The following ZFP91 variants were observed in gnomAD, a reference collection of about 807,000 sequenced individuals.
The protein encoded by ZFP91 is ZFP91 zinc finger protein, atypical E3 ubiquitin ligase, also known as E3 ubiquitin-protein ligase ZFP91.
Under a neutral mutation model 63.5 loss-of-function variants are expected in ZFP91, and 7 were observed. The ratio of observed to expected loss-of-function variants is 0.11; its 90% CI spans 0.06 to 0.21. ZFP91 has a LOEUF of 0.21. Ranked by LOEUF, ZFP91 falls within the 10% of genes least tolerant of loss-of-function variation. The pLI is 1.00. For missense variants in ZFP91, 628 were observed against 736.6 expected, an observed-to-expected ratio of 0.85 and a Z score of 1.71; for synonymous variants, 330 against 272.1, an observed-to-expected ratio of 1.21 and a Z score of -2.10.
chr11:58,589,666 A>C (rs1316106992), intron 2 of ZFP91, among the ~76,000 whole-genome samples: 1 of 152,140 alleles, frequency 6.6e-6, no homozygotes. Flanking sequence ...CTTCCTTCCT[A>C]ATCTTTTATC....
At chr11:58,610,202 C>T (rs1855636241) in intron 3 of ZFP91, 96 bp from the exon 4 acceptor site, 3 of 1,439,196 alleles carry the variant, frequency 2.1e-6, no homozygotes, top group South Asian at 1.2e-5. Context: ...TGTATAATTA[C>T]CCCATGCAGT....
Position 58,584,710 on chromosome 11 carries a change from T to C in ZFP91, c.342-146T>C, listed in dbSNP as rs915689344. The C allele has an allele frequency of 1.2e-5, 8 of 651,596 alleles. No individual in the cohort carries two copies. In the Admixed American group the frequency reaches 2.4e-4, roughly 19 times the overall value. 40.4% of individuals were successfully genotyped at this position (651,596 alleles called of 1,614,324 possible). A position where few individuals can be genotyped will look rare whatever the true frequency, so the allele number is the denominator to read the frequency against. ...ACTGCCATATTGGACAGTGCAGATA[T>C]GTTTCCATCACTGCTGAAAATTCTG... is the stretch of plus-strand genomic sequence containing the variant. On this transcript the variant is annotated intron_variant, in intron 1 of 10. Transcript: ENST00000316059.
chr11:58,617,169 A>C lies in ZFP91; in HGVS notation c.1203-27A>C. The C allele has an allele frequency of 6.5e-7, 1 of 1,540,940 alleles. No individual in the cohort carries two copies. The highest frequency in any genetic ancestry group is 2.3e-5 in the East Asian group (1 of 44,418). On this transcript the variant is annotated intron_variant, in intron 10 of 10. Transcript: ENST00000316059. The surrounding 1 kb of genome is among the most constrained non-coding windows in gnomAD (Gnocchi z 4.2). ...GCACTCTTTATTTCTCTGTTGGATC[A>C]GCCATTTCCTTTTCTCCTCTCCTTA... is the stretch of plus-strand genomic sequence containing the variant.
intron 2 of ZFP91, among the ~76,000 whole-genome samples, chr11:58,587,834 G>A (rs1317134074): frequency 1.3e-5 from 2 of 151,846 alleles, no homozygotes; most frequent in East Asian, 1.9e-4. Context: ...AGTTAAAACT[G>A]CCTCTCAAGA....
At chr11:58,583,464 A>T (rs1855152331) in intron 1 of ZFP91, among the ~76,000 whole-genome samples, 1 of 151,994 alleles carries the variant, frequency 6.6e-6, no homozygotes, top group Non-Finnish European at 1.5e-5. Flanking sequence ...TTCCCTTTTG[A>T]AGGTCATGGA....
intron 2 of ZFP91, among the ~76,000 whole-genome samples, chr11:58,589,826 C>G (rs989665744): frequency 6.6e-6 from 1 of 152,124 alleles, no homozygotes; most frequent in Non-Finnish European, 1.5e-5. Flanking sequence ...TTATTAATTT[C>G]CTACAAATAA....
chr11:58,612,343 C>T lies in ZFP91; in HGVS notation c.908+15C>T, dbSNP rs560163236. 38 of 1,613,100 alleles carry T rather than the reference C, an allele frequency of 2.4e-5. No homozygotes were observed. The African/African-American group carries it at 3.3e-4, about 14-fold the overall frequency. On this transcript the variant is annotated intron_variant, in intron 7 of 10. Transcript: ENST00000316059. ...CCCAAAAGGAGGTGAGGAATTTTTA[C>T]CCCTACTGTTTTACACCTTATTCCA...
At chr11:58,588,014 G>T (rs1855240672) in intron 2 of ZFP91, among the ~76,000 whole-genome samples, 1 of 152,036 alleles carries the variant, frequency 6.6e-6, no homozygotes, top group Admixed American at 6.5e-5. Context: ...TTTGATTTTT[G>T]AGTAATGTGC....
intron 2 of ZFP91, among the ~76,000 whole-genome samples, chr11:58,604,755 T>C (rs1163845839): frequency 6.6e-6 from 1 of 152,236 alleles, no homozygotes; most frequent in Non-Finnish European, 1.5e-5. Flanking sequence ...TTTTTTATCT[T>C]ATCAGCTATC....
intron 6 of ZFP91, 63 bp downstream of exon 6, chr11:58,611,801 G>A (rs1855669572): frequency 1.3e-5 from 20 of 1,536,874 alleles, no homozygotes; most frequent in Non-Finnish European, 1.6e-5. Context: ...GGAAAAAAGA[G>A]TGGGAGTGTG....
At chr11:58,592,907 C>T (rs1230135777) in intron 2 of ZFP91, among the ~76,000 whole-genome samples, 2 of 152,120 alleles carry the variant, frequency 1.3e-5, no homozygotes, top group African/African-American at 2.4e-5. Context: ...TGGAAGCTTT[C>T]GCTTGTGGTG....
At chr11:58,608,944 A>AT (rs1171414408) in intron 2 of ZFP91, among the ~76,000 whole-genome samples, 1 of 152,098 alleles carries the variant, frequency 6.6e-6, no homozygotes, top group Non-Finnish European at 1.5e-5. Flanking sequence ...GACTTTGTTT[A>AT]TGGTTGATTT....
chr11:58,610,116 T>C, intron 3 of ZFP91, 77 bp downstream of exon 3: 1 of 1,531,266 alleles, frequency 6.5e-7, no homozygotes, highest in Non-Finnish European at 9.0e-7. Context: ...ACATTTGTGT[T>C]AACAGCTTAA....
chr11:58,607,363 A>G (rs1855585193), intron 2 of ZFP91, among the ~76,000 whole-genome samples: 1 of 152,192 alleles, frequency 6.6e-6, no homozygotes, highest in Admixed American at 6.5e-5. Flanking sequence ...GTGATTTTGA[A>G]TAAGCTTCTT....
intron 2 of ZFP91, among the ~76,000 whole-genome samples, chr11:58,599,822 C>A (rs1231322687): frequency 6.6e-6 from 1 of 151,922 alleles, no homozygotes; most frequent in African/African-American, 2.4e-5. Context: ...AGTGCTAGCT[C>A]CTGTGTTTAG....
At chr11:58,598,390 T>C (rs959837858) in intron 2 of ZFP91, among the ~76,000 whole-genome samples, 1 of 152,188 alleles carries the variant, frequency 6.6e-6, no homozygotes, top group South Asian at 2.1e-4. Context: ...CTCCAAAAAA[T>C]TTTCTTACAT....
chr11:58,584,619 A>T (rs1003814282), intron 1 of ZFP91, among the ~76,000 whole-genome samples: 3 of 152,092 alleles, frequency 2.0e-5, no homozygotes, highest in African/African-American at 7.2e-5. Flanking sequence ...AATTTACATT[A>T]ATCAAAATTA....
intron 2 of ZFP91, among the ~76,000 whole-genome samples, chr11:58,587,112 A>T (rs1855223521): frequency 6.6e-6 from 1 of 152,198 alleles, no homozygotes; most frequent in Non-Finnish European, 1.5e-5. Flanking sequence ...AAAAAAAGTT[A>T]AGTTGCAAAG....
rs77592152 is a variant in ZFP91, at chr11:58,597,818, A to G, written c.371-12012A>G. ...TGAGCAACTGCAGCTACACACCTCA[A>G]CCTTCTATGCTTATTAAGCAATTCA... On this transcript the variant is annotated intron_variant, in intron 2 of 10. Transcript: ENST00000316059. Among the ~76,000 whole-genome samples, 24 of 152,232 alleles carry G rather than the reference A, an allele frequency of 1.6e-4. No individual in the cohort carries two copies. In the East Asian group the frequency reaches 3.9e-3, roughly 24 times the overall value.
Sources: allele counts gnomAD v4.1 joint callset (sites outside exome capture counted in the v4.1 genomes callset), GRCh38; gene constraint gnomAD v4.1.1; non-coding constraint Gnocchi (gnomAD v3.1); transcripts MANE v1.5; gene names NCBI Gene and HGNC (gene_info 2026-07-23, HGNC 2026-07-21).